The following CADPS variants were observed in gnomAD, a reference collection of about 807,000 sequenced individuals.
CADPS encodes the protein calcium-dependent secretion activator 1.
Under a neutral mutation model 167.3 loss-of-function variants are expected in CADPS, and 57 were observed. The observed-to-expected ratio is 0.34, with a 90% confidence interval of 0.28 to 0.42. CADPS has a LOEUF of 0.42. CADPS is among the 20% of genes least tolerant of loss of function. CADPS has a pLI of 1.00. For missense variants in CADPS, 1,414 were observed against 1,738.1 expected (o/e 0.81, Z 3.32); for synonymous variants, 676 against 635.3 (o/e 1.06, Z -0.96).
chr3:62,539,631 T>C (rs547191413), intron 11 of CADPS, among the ~76,000 whole-genome samples: 128 of 152,234 alleles, frequency 8.4e-4, no homozygotes, highest in African/African-American at 2.6e-3. Context: ...TATTTTTTGT[T>C]TGTGCTACAT....
At chr3:62,404,735 C>T (rs1337879009) in intron 28 of CADPS, 2 of 151,670 alleles carry the variant, frequency 1.3e-5, no homozygotes, top group East Asian at 1.9e-4. Flanking sequence ...TTTTAGGAAC[C>T]TTCTGTCCCT....
intron 7 of CADPS, among the ~76,000 whole-genome samples, chr3:62,585,823 A>G (rs938106082): frequency 4.6e-5 from 7 of 152,228 alleles, no homozygotes; most frequent in African/African-American, 1.7e-4. Flanking sequence ...TCAGGGAAGG[A>G]AAGGGACTTG....
intron 16 of CADPS, among the ~76,000 whole-genome samples, chr3:62,515,290 T>C (rs910357948): frequency 6.6e-6 from 1 of 152,058 alleles, no homozygotes; most frequent in African/African-American, 2.4e-5. Context: ...CTTACACCAC[T>C]GGTCAAGTTG....
At chr3:62,561,774 A>G (rs187095179) in intron 9 of CADPS, among the ~76,000 whole-genome samples, 2 of 152,286 alleles carry the variant, frequency 1.3e-5, no homozygotes, top group Admixed American at 1.3e-4. Flanking sequence ...TGGACATACA[A>G]CAGTAGAATG....
intron 1 of CADPS, among the ~76,000 whole-genome samples, chr3:62,823,473 C>T (rs867059256): frequency 1.4e-4 from 21 of 152,016 alleles, no homozygotes; most frequent in Middle Eastern, 3.4e-3. Context: ...CAATGCAGTA[C>T]GATTTTTAAA....
chr3:62,577,652 C>A (rs549392661), intron 8 of CADPS, among the ~76,000 whole-genome samples: 3 of 152,334 alleles, frequency 2.0e-5, no homozygotes, highest in South Asian at 2.1e-4. Flanking sequence ...TAGCTATTAA[C>A]CATGTATGAG....
At chr3:62,549,621 A>T (rs1416983382) in intron 11 of CADPS, among the ~76,000 whole-genome samples, 1 of 152,142 alleles carries the variant, frequency 6.6e-6, no homozygotes, top group East Asian at 1.9e-4. Context: ...AAACAAATAC[A>T]TGTTTGGCTG....
At chr3:62,740,327 G>T (rs547535099) in intron 3 of CADPS, among the ~76,000 whole-genome samples, 2 of 152,132 alleles carry the variant, frequency 1.3e-5, no homozygotes, top group Admixed American at 1.3e-4. Flanking sequence ...GTCTGCTGAC[G>T]GCCCACTCAC....
chr3:62,723,053 G>C (rs992730675), intron 3 of CADPS, among the ~76,000 whole-genome samples: 8 of 152,168 alleles, frequency 5.3e-5, no homozygotes, highest in Admixed American at 2.0e-4. Flanking sequence ...TATAGTACTA[G>C]GCTTTGAGGA....
chr3:62,536,645 T>C (rs1434632371), intron 11 of CADPS, 64 bp from the exon 12 acceptor site: 1 of 1,516,634 alleles, frequency 6.6e-7, no homozygotes, highest in Non-Finnish European at 9.1e-7. Flanking sequence ...TTCTTTGACA[T>C]TTCAAATACA....
intron 3 of CADPS, among the ~76,000 whole-genome samples, chr3:62,670,935 T>C (rs1433113751): frequency 6.6e-6 from 1 of 152,202 alleles, no homozygotes; most frequent in Non-Finnish European, 1.5e-5. Flanking sequence ...CCCTGTGCCT[T>C]AGCTCTCTCT....
chr3:62,438,813 AGAC>A lies in CADPS; in HGVS notation c.3670-605_3670-603del, dbSNP rs1248295934. 3.9e-5 allele frequency: 6 copies of A among 152,012 alleles called. No homozygotes were observed. Among genetic ancestry groups the A allele is most frequent in the African/African-American group, 1.5e-4 (6 of 41,358 alleles). 9.4% of individuals were successfully genotyped at this position (152,012 alleles called of 1,614,324 possible). ...GCTAATTAATTAGTTCACTCAGAGG[AGAC>A]ACTAAACCATTTGTCTTTGCTTCCA... On this transcript the variant is annotated intron_variant, in intron 27 of 29. Transcript: ENST00000383710. The surrounding 1 kb of genome is among the most constrained non-coding windows in gnomAD (Gnocchi z 4.7).
chr3:62,664,894 A>C (rs924186789), intron 3 of CADPS, among the ~76,000 whole-genome samples: 2 of 152,238 alleles, frequency 1.3e-5, no homozygotes, highest in African/African-American at 4.8e-5. Flanking sequence ...CAAGGTCTAC[A>C]TTAAGCTTAA....
intron 7 of CADPS, among the ~76,000 whole-genome samples, chr3:62,589,956 G>A (rs777048735): frequency 1.2e-4 from 18 of 152,030 alleles, no homozygotes; most frequent in Admixed American, 4.6e-4. Flanking sequence ...TTGGGAGGCC[G>A]AGGCGGGCGG....
At chr3:62,613,264 T>G (rs1453501388) in intron 6 of CADPS, among the ~76,000 whole-genome samples, 1 of 152,194 alleles carries the variant, frequency 6.6e-6, no homozygotes, top group African/African-American at 2.4e-5. Context: ...GAGCCCAGCA[T>G]CCTAAAAGTA....
intron 1 of CADPS, among the ~76,000 whole-genome samples, chr3:62,812,523 C>A (rs754218323): frequency 1.7e-4 from 26 of 152,252 alleles, no homozygotes; most frequent in Non-Finnish European, 2.9e-4. Context: ...AAGGTACAAT[C>A]ACACATCAAG....
At position 62,753,501 on chromosome 3, in the gene CADPS, C is replaced by T; in HGVS notation, c.828G>A (p.Met276Ile). Reference protein sequence around the residue: ...LILSKEQLYEMFQNILGIKKF... With the variant: ...LILSKEQLYEIFQNILGIKKF... Reference sequence around the variant, plus strand: ...TCTTGATCCCAAGAATGTTCTGGAACATCTCATAGAGTTGCTCCTTGCTCA... The same window carrying T: ...TCTTGATCCCAAGAATGTTCTGGAATATCTCATAGAGTTGCTCCTTGCTCA... The change falls in exon 3 of 30, where the codon ATG becomes ATA. Residue 276 changes from methionine (M) to isoleucine (I), a missense_variant. By Grantham distance (10) the Met-to-Ile change is conservative (BLOSUM62 1). Around this residue, in one of 6 missense-constraint regions of CADPS, gnomAD observed 522 missense variants for 559.5 expected, o/e 0.93. Transcript: ENST00000383710. The surrounding 1 kb of genome is among the most constrained non-coding windows in gnomAD (Gnocchi z 4.6). 1.9e-6 allele frequency: 3 copies of T among 1,614,140 alleles called. No individual in the cohort carries two copies. The highest frequency in any genetic ancestry group is 2.5e-6 in the Non-Finnish European group (3 of 1,180,028).
At chr3:62,557,138 C>T (rs1384810597) in intron 10 of CADPS, among the ~76,000 whole-genome samples, 1 of 151,538 alleles carries the variant, frequency 6.6e-6, no homozygotes, top group Non-Finnish European at 1.5e-5. Flanking sequence ...TGGATACAGG[C>T]AGGTAAAAGA....
intron 5 of CADPS, 98 bp downstream of exon 5, chr3:62,650,749 T>G: frequency 1.2e-6 from 1 of 815,872 alleles, no homozygotes; most frequent in Non-Finnish European, 2.0e-6. Context: ...TAACTGCTCC[T>G]GGGGTGCAAC....
Sources: gnomAD v4.1 joint callset for allele counts (sites outside exome capture counted in the v4.1 genomes callset) on GRCh38, gnomAD v4.1.1 for gene constraint, gnomAD v4.1.1 regional missense constraint, Gnocchi (gnomAD v3.1) non-coding constraint, MANE v1.5 for transcripts, NCBI Gene and HGNC (gene_info 2026-07-23, HGNC 2026-07-21) for gene names.